The following PDE10A variants were observed in gnomAD, a reference collection of about 807,000 sequenced individuals.
The protein encoded by PDE10A is phosphodiesterase 10A, also known as cAMP and cAMP-inhibited cGMP 3',5'-cyclic phosphodiesterase 10A.
In PDE10A, 39 loss-of-function variants were observed where a neutral mutation model predicts 97.7. That is an observed-to-expected ratio of 0.40 (90% CI 0.31 to 0.52). PDE10A has a LOEUF of 0.52. Ranked by LOEUF, PDE10A falls within the 20% of genes least tolerant of loss-of-function variation. The probability of loss-of-function intolerance (pLI) is 0.56; values close to 1 mark genes in which losing one functional copy is unlikely to be tolerated. For missense variants in PDE10A, 731 were observed against 1,047.8 expected, an observed-to-expected ratio of 0.70 and a Z score of 4.17; for synonymous variants, 371 against 376.8, an observed-to-expected ratio of 0.98 and a Z score of 0.18.
At chr6:165,786,343 G>A (rs984774638) in intron 1 of PDE10A, among the ~76,000 whole-genome samples, 2 of 152,290 alleles carry the variant, frequency 1.3e-5, no homozygotes, top group East Asian at 1.9e-4. Flanking sequence ...CCCACTAAGC[G>A]CTGTATGAAA....
chr6:165,857,698 C>CGTGTGT (rs775208021), intron 1 of PDE10A, among the ~76,000 whole-genome samples: 1,617 of 123,502 alleles, frequency 0.013, 19 homozygotes, highest in East Asian at 0.023. Context: ...TCAACAGTTC[C>CGTGTGT]GTGTGTGTGT....
intron 1 of PDE10A, chr6:165,940,538 G>T (rs934816243): frequency 1.3e-5 from 2 of 152,290 alleles, no homozygotes; most frequent in African/African-American, 4.8e-5. Context: ...GCAGCCTGGC[G>T]CTCTGCGGGC....
intron 1 of PDE10A, among the ~76,000 whole-genome samples, chr6:165,928,333 A>ATT (rs1349436592): frequency 2.6e-5 from 4 of 152,184 alleles, no homozygotes; most frequent in Non-Finnish European, 5.9e-5. Context: ...GAGGATGAGA[A>ATT]TAAAAGGGGG....
chr6:165,558,441 C>CCG (rs1784365049), intron 1 of PDE10A, among the ~76,000 whole-genome samples: 1 of 151,954 alleles, frequency 6.6e-6, no homozygotes, highest in African/African-American at 2.4e-5. Context: ...ACATCACACA[C>CCG]CGGGGCCTGT....
At chr6:165,795,331 T>C (rs1482239518) in intron 1 of PDE10A, among the ~76,000 whole-genome samples, 1 of 152,178 alleles carries the variant, frequency 6.6e-6, no homozygotes, top group Non-Finnish European at 1.5e-5. Context: ...TTTCTAGCAA[T>C]GACTTTGCTG....
chr6:165,891,150 T>C (rs1251422405), intron 1 of PDE10A, among the ~76,000 whole-genome samples: 1 of 152,176 alleles, frequency 6.6e-6, no homozygotes, highest in Non-Finnish European at 1.5e-5. Flanking sequence ...TTCTGTCCAG[T>C]GTTGCAGGTT....
At chr6:165,518,376 A>G (rs1781938857) in intron 2 of PDE10A, among the ~76,000 whole-genome samples, 1 of 152,164 alleles carries the variant, frequency 6.6e-6, no homozygotes, top group African/African-American at 2.4e-5. Context: ...ATAATTTTAA[A>G]TTCTCCACCA....
chr6:165,603,860 G>T (rs182403586), intron 1 of PDE10A, among the ~76,000 whole-genome samples: 1 of 152,320 alleles, frequency 6.6e-6, no homozygotes, highest in East Asian at 1.9e-4. Context: ...AATAAAAGGT[G>T]GTATATGCAA....
chr6:165,857,791 A>T (rs1780790468), intron 1 of PDE10A, among the ~76,000 whole-genome samples: 1 of 151,904 alleles, frequency 6.6e-6, no homozygotes, highest in African/African-American at 2.4e-5. Context: ...ATGCATCATG[A>T]GGACCTCTTG....
At chr6:165,772,718 A>C (rs1249357197) in intron 1 of PDE10A, among the ~76,000 whole-genome samples, 1 of 152,158 alleles carries the variant, frequency 6.6e-6, no homozygotes, top group Non-Finnish European at 1.5e-5. Context: ...TAGGGGCGGA[A>C]GTGAGGAAAG....
intron 1 of PDE10A, among the ~76,000 whole-genome samples, chr6:165,881,392 C>CTTTTT (rs68159417): frequency 2.4e-3 from 253 of 106,932 alleles, no homozygotes; most frequent in Non-Finnish European, 3.3e-3. Context: ...TTTTTCTTTT[C>CTTTTT]TTTTTTTTTT....
At chr6:165,710,794 T>C (rs1181435881) in intron 1 of PDE10A, among the ~76,000 whole-genome samples, 1 of 152,308 alleles carries the variant, frequency 6.6e-6, no homozygotes, top group East Asian at 1.9e-4. Context: ...CCAACTTAAC[T>C]TCAAAAAATA....
intron 1 of PDE10A, among the ~76,000 whole-genome samples, chr6:165,826,277 GATGTCCCTCTGTCCCCATGTCCGTCTTC>G (rs1779741933): frequency 6.7e-6 from 1 of 148,888 alleles, no homozygotes; most frequent in East Asian, 2.0e-4. Context: ...CCTCTGACTC[GATGTCCCTCTGTCCCCATGTCCGTCTTC>G]ATGTCCCTCT....
intron 18 of PDE10A, among the ~76,000 whole-genome samples, chr6:165,357,530 G>A (rs1374181046): frequency 6.6e-6 from 1 of 151,996 alleles, no homozygotes; most frequent in Non-Finnish European, 1.5e-5. Flanking sequence ...TGGTTTGTTT[G>A]TTTGTTTGTT....
At chr6:165,825,235 G>A (rs939935829) in intron 1 of PDE10A, among the ~76,000 whole-genome samples, 4 of 152,072 alleles carry the variant, frequency 2.6e-5, no homozygotes, top group African/African-American at 9.7e-5. Context: ...GATGTGAGCA[G>A]GGCTCTGCCT....
chr6:165,790,683 G>A (rs562284347), intron 1 of PDE10A, among the ~76,000 whole-genome samples: 8 of 151,954 alleles, frequency 5.3e-5, no homozygotes, highest in Non-Finnish European at 1.0e-4. Flanking sequence ...GTCTCTGCCC[G>A]TGGGAGTTCT....
chr6:165,449,103 G>A lies in PDE10A; in HGVS notation c.1145-126C>T, dbSNP rs369774301. 6.0e-6 allele frequency: 4 copies of A among 665,730 alleles called. No homozygotes were observed. In the South Asian group the frequency reaches 7.4e-5, roughly 12 times the overall value. 41.2% of individuals were successfully genotyped at this position (665,730 alleles called of 1,614,324 possible). A position where few individuals can be genotyped will look rare whatever the true frequency, so the allele number is the denominator to read the frequency against. Reference sequence around the variant, plus strand: ...ATTTGTTAACAGAATCAATGGTCATGCAGTAAATGGAACAAAATCACTTAT... The same window carrying A: ...ATTTGTTAACAGAATCAATGGTCATACAGTAAATGGAACAAAATCACTTAT... On this transcript the variant is annotated intron_variant, in intron 4 of 21. Coordinates refer to ENST00000539869, the MANE Select transcript of PDE10A (RefSeq NM_001385079.1).
In PDE10A at chr6:165,927,647, CATATATAT is replaced by C. The variant is rs71029572; in HGVS notation, c.-615+59874_-615+59881del. ...ATGAATATTATTAACATGAGAATGA[CATATATAT>C]ATATATATATATATATATATATAGT... On this transcript the variant is annotated intron_variant, in intron 1 of 19. Transcript: ENST00000366882. Among the ~76,000 whole-genome samples the C allele has an allele frequency of 1.3e-3, 93 of 73,238 alleles. 2 individuals carry two copies. Among genetic ancestry groups the C allele is most frequent in the Middle Eastern group, 0.012 (2 of 166 alleles). The allele number at this position is 73,238 out of a possible 152,430, so 48.0% of individuals were successfully genotyped here.
chr6:165,829,239 A>C (rs1190610091), intron 1 of PDE10A, among the ~76,000 whole-genome samples: 1 of 152,160 alleles, frequency 6.6e-6, no homozygotes, highest in Non-Finnish European at 1.5e-5. Flanking sequence ...CTGCTCCCCC[A>C]GTGGAGCTGC....
Sources: allele counts gnomAD v4.1 joint callset (sites outside exome capture counted in the v4.1 genomes callset), GRCh38; gene constraint gnomAD v4.1.1; transcripts MANE v1.5; gene names NCBI Gene and HGNC (gene_info 2026-07-23, HGNC 2026-07-21).